Variants in RBFOX1 observed in about 807,000 individuals in gnomAD.
The protein encoded by RBFOX1 is RNA binding fox-1 homolog 1, also known as RNA binding protein fox-1 homolog 1.
RBFOX1 carries 8 observed loss-of-function variants against 57.7 expected under a neutral mutation model. The observed-to-expected ratio is 0.14, with a 90% CI of 0.08 to 0.25. The LOEUF is 0.25. RBFOX1 is among the 10% of genes least tolerant of loss of function. The pLI is 1.00. For synonymous variants in RBFOX1, 326 were observed against 222.4 expected (o/e 1.47, Z -4.15); for missense variants, 611 against 548.5 (o/e 1.11, Z -1.14).
At chr16:5,957,315 A>G (rs2152284182) in intron 4 of RBFOX1, among the ~76,000 whole-genome samples, 1 of 152,270 alleles carries the variant, frequency 6.6e-6, no homozygotes, top group South Asian at 2.1e-4. Context: ...CCGGTGTTCA[A>G]GCGATTCTCT....
At chr16:5,443,135 A>G (rs1359404096) in intron 1 of RBFOX1, among the ~76,000 whole-genome samples, 1 of 152,166 alleles carries the variant, frequency 6.6e-6, no homozygotes, top group Admixed American at 6.5e-5. Context: ...CAGAACTGAG[A>G]GAAAGAATAA....
At chr16:7,084,152 TG>T (rs1326181958) in intron 4 of RBFOX1, among the ~76,000 whole-genome samples, 1 of 152,166 alleles carries the variant, frequency 6.6e-6, no homozygotes. Flanking sequence ...GGAAGGACTG[TG>T]GTAAACAGGA....
At chr16:6,973,198 T>TGG (rs920228287) in intron 3 of RBFOX1, among the ~76,000 whole-genome samples, 1 of 101,238 alleles carries the variant, frequency 9.9e-6, no homozygotes, top group Admixed American at 1.3e-4. Context: ...TGTGTGGTGG[T>TGG]GGGGGGCGGG....
chr16:7,014,424 T>A (rs931206189), intron 3 of RBFOX1, among the ~76,000 whole-genome samples: 3 of 151,764 alleles, frequency 2.0e-5, no homozygotes, highest in African/African-American at 7.3e-5. Context: ...TATTTTTTTT[T>A]AAAGTAGGGG....
intron 4 of RBFOX1, among the ~76,000 whole-genome samples, chr16:7,208,653 T>C (rs78442527): frequency 0.073 from 11,039 of 152,108 alleles, 549 homozygotes; most frequent in Non-Finnish European, 0.11. Context: ...CTGGGCAACA[T>C]AGCAAGACCG....
chr16:5,371,935 C>G (rs983843575), intron 1 of RBFOX1, among the ~76,000 whole-genome samples: 3 of 152,202 alleles, frequency 2.0e-5, no homozygotes, highest in Non-Finnish European at 2.9e-5. Context: ...TACCTTGAAC[C>G]CAGCAGTGAG....
intron 2 of RBFOX1, among the ~76,000 whole-genome samples, chr16:5,530,257 A>G (rs898279630): frequency 5.3e-5 from 8 of 152,152 alleles, no homozygotes; most frequent in African/African-American, 9.7e-5. Flanking sequence ...GACGGCTGCA[A>G]CACCACTATC....
In RBFOX1 at chr16:7,080,011, TAC is replaced by T. The variant is rs1567182138; in HGVS notation, c.27+27915_27+27916del. On this transcript the variant is annotated intron_variant, in intron 4 of 15. Transcript: ENST00000550418. Reference sequence around the variant, plus strand: ...ATTAAATTCATTGTGTATATATATATACATATATATACGTATATATGTATATA... The same window carrying T: ...ATTAAATTCATTGTGTATATATATATATATATATACGTATATATGTATATA... 9.9e-3 allele frequency among the ~76,000 whole-genome samples: 1,433 copies of T among 144,280 alleles called. 28 individuals are homozygous for T. The highest frequency in any genetic ancestry group is 0.034 in the African/African-American group (1,351 of 39,548). The allele number at this position is 144,280 out of a possible 152,430, so 94.7% of individuals were successfully genotyped here. A position where few individuals can be genotyped will look rare whatever the true frequency, so the allele number is the denominator to read the frequency against.
At chr16:6,974,280 A>G (rs1290876776) in intron 3 of RBFOX1, among the ~76,000 whole-genome samples, 3 of 143,714 alleles carry the variant, frequency 2.1e-5, no homozygotes, top group African/African-American at 7.8e-5. Context: ...AGTTGGTGTC[A>G]TTTTAGTAAA....
chr16:5,687,609 G>A (rs1033725339), intron 3 of RBFOX1, among the ~76,000 whole-genome samples: 1 of 152,172 alleles, frequency 6.6e-6, no homozygotes, highest in African/African-American at 2.4e-5. Context: ...AGCCATTTTA[G>A]AGAAAGTCAT....
intron 1 of RBFOX1, among the ~76,000 whole-genome samples, chr16:5,266,744 A>AG (rs937722532): frequency 1.6e-4 from 24 of 150,846 alleles, no homozygotes; most frequent in East Asian, 3.9e-4. Flanking sequence ...TTTTGCAGAG[A>AG]GGGGGGGTCT....
chr16:7,557,888 C>G (rs1403233680), intron 5 of RBFOX1, among the ~76,000 whole-genome samples: 1 of 151,924 alleles, frequency 6.6e-6, no homozygotes, highest in Non-Finnish European at 1.5e-5. Context: ...ACCAATGCCT[C>G]GTCACTGAAC....
At chr16:6,202,867 A>T in intron 1 of RBFOX1, among the ~76,000 whole-genome samples, 1 of 152,104 alleles carries the variant, frequency 6.6e-6, no homozygotes, top group African/African-American at 2.4e-5. Context: ...AGCTCACGGC[A>T]GCTCAAATAT....
chr16:7,602,738 T>C (rs1000551851), intron 9 of RBFOX1, among the ~76,000 whole-genome samples: 2 of 152,162 alleles, frequency 1.3e-5, no homozygotes, highest in Non-Finnish European at 2.9e-5. Context: ...CAAATGGACA[T>C]AACAGACATT....
chr16:5,874,975 G>A (rs2057567544), intron 4 of RBFOX1, among the ~76,000 whole-genome samples: 1 of 152,114 alleles, frequency 6.6e-6, no homozygotes, highest in African/African-American at 2.4e-5. Flanking sequence ...TGAATGGATG[G>A]AGAATAGAGG....
chr16:5,758,325 T>C (rs1336160941), intron 3 of RBFOX1, among the ~76,000 whole-genome samples: 2 of 152,212 alleles, frequency 1.3e-5, no homozygotes, highest in East Asian at 3.9e-4. Flanking sequence ...GGCTCTATTA[T>C]AACAGTAGTG....
intron 3 of RBFOX1, among the ~76,000 whole-genome samples, chr16:5,787,168 A>G (rs912324059): frequency 6.6e-6 from 1 of 152,164 alleles, no homozygotes; most frequent in African/African-American, 2.4e-5. Flanking sequence ...AGCTCATAGC[A>G]TTTCTTTTTG....
In RBFOX1 at chr16:6,988,642, G is replaced by C. The variant is rs139261536; in HGVS notation, c.-15-63415G>C. On this transcript the variant is annotated intron_variant, in intron 3 of 15. Transcript: ENST00000550418. ...GGCTGGAGTGCAGTGGTGCGATCTC[G>C]GCTCACTACAACCTCTGCCTCAGCC... is the stretch of plus-strand genomic sequence containing the variant. Among the ~76,000 whole-genome samples, 9 of 151,136 alleles carry C rather than the reference G, an allele frequency of 6.0e-5. No individual in the cohort carries two copies. The East Asian group carries it at 9.7e-4, about 16-fold the overall frequency.
At chr16:7,710,134 C>T in intron 15 of RBFOX1, 1 of 1,020,916 alleles carries the variant, frequency 9.8e-7, no homozygotes, top group Non-Finnish European at 1.2e-6. Context: ...TACAACTCCA[C>T]AACTCCCTTC....
Sources: gnomAD v4.1 joint callset for allele counts (sites outside exome capture counted in the v4.1 genomes callset) on GRCh38, gnomAD v4.1.1 for gene constraint, MANE v1.5 for transcripts, NCBI Gene and HGNC (gene_info 2026-07-23, HGNC 2026-07-21) for gene names.